LRWD1: variants seen among roughly 807,000 people sequenced by gnomAD.
LRWD1 encodes the protein leucine-rich repeat and WD repeat-containing protein 1.
A neutral mutation model predicts 75.6 loss-of-function variants in LRWD1; 76 were observed. The observed-to-expected ratio is 1.01, with a 90% confidence interval of 0.84 to 1.22. The LOEUF (loss-of-function observed/expected upper bound fraction) is 1.22, where lower values mean the gene tolerates loss of function less well. LRWD1 is among the 50% of genes most tolerant of loss of function. The pLI, the probability that LRWD1 is intolerant of heterozygous loss-of-function variation, is 0.00. For synonymous variants in LRWD1, 487 were observed against 377.0 expected, an observed-to-expected ratio of 1.29 and a Z score of -3.38; for missense variants, 917 against 862.0, an observed-to-expected ratio of 1.06 and a Z score of -0.80.
chr7:102,469,592 G>A lies in LRWD1; in HGVS notation c.1247G>A (p.Arg416Gln), dbSNP rs762347199. The A allele has an allele frequency of 2.5e-6, 4 of 1,614,028 alleles. No homozygotes were observed. The highest frequency in any genetic ancestry group is 2.2e-5 in the East Asian group (1 of 44,902). ...THLFTASYDK[R>Q]IILWDIGVPN... ...TCTTCAGCGGCCTCCTATGACAAGC[G>A]GATCATCCTCTGGGACATCGGGGTG... Residue 416 changes from arginine (R) to glutamine (Q), a missense_variant, in exon 10 of 15, where the codon CGG (arginine) becomes CAG (glutamine). Transcript: ENST00000292616.
At chr7:102,472,643 G>A (rs747963270) in intron 13 of LRWD1, 34 bp downstream of exon 13, 3 of 1,610,502 alleles carry the variant, frequency 1.9e-6, no homozygotes, top group African/African-American at 1.3e-5. Flanking sequence ...CCATCCCGCG[G>A]GCTTCCGGGA....
chr7:102,467,618 T>C (rs1238056224), intron 4 of LRWD1, 101 bp from the exon 5 acceptor site: 4 of 1,503,398 alleles, frequency 2.7e-6, no homozygotes, highest in East Asian at 4.9e-5. Flanking sequence ...GGAGAGGCCC[T>C]TCCCCAACTC....
In LRWD1 at chr7:102,468,120, A is replaced by G; in HGVS notation, c.737A>G (p.Lys246Arg). 1.9e-6 allele frequency: 3 copies of G among 1,610,344 alleles called. No homozygotes were observed. The highest frequency in any genetic ancestry group is 2.5e-6 in the Non-Finnish European group (3 of 1,179,278). ...DDVPLSLSPS[K>R]RACASPSAQV... ...GTCCCACTCAGCCTCTCTCCCAGCA[A>G]GCGGGCGTGTGCCTCCCCGTCGGCC... Residue 246 changes from lysine to arginine, a missense_variant, in exon 6 of 15, where the codon AAG (lysine) becomes AGG (arginine). Physicochemically the swap from Lys to Arg is conservative, Grantham distance 26. Coordinates refer to ENST00000292616, the MANE Select transcript of LRWD1 (RefSeq NM_152892.3).
In LRWD1 at chr7:102,472,216, A is replaced by T; in HGVS notation, c.1443-2A>T. Reference sequence around the variant, plus strand: ...CAACTAGCATCTCGTGCTGCCCCACAGGGTGTGTGAAGTGGAATTCGTCTT... The same window carrying T: ...CAACTAGCATCTCGTGCTGCCCCACTGGGTGTGTGAAGTGGAATTCGTCTT... On this transcript the variant is annotated splice_acceptor_variant, in intron 11 of 14. Coordinates refer to ENST00000292616, the MANE Select transcript of LRWD1 (RefSeq NM_152892.3). LOFTEE classifies it high-confidence loss of function. 1 of 1,588,272 alleles carries T rather than the reference A, an allele frequency of 6.3e-7. No homozygotes were observed. Among genetic ancestry groups the T allele is most frequent in the Non-Finnish European group, 8.6e-7 (1 of 1,165,450 alleles).
intron 9 of LRWD1, among the ~76,000 whole-genome samples, chr7:102,469,350 G>T (rs1035697908): frequency 6.6e-6 from 1 of 152,242 alleles, no homozygotes; most frequent in African/African-American, 2.4e-5. Flanking sequence ...CTGTCAAGGG[G>T]GATGGATGAG....
intron 11 of LRWD1, chr7:102,471,706 TC>T (rs1236096643): frequency 1.2e-5 from 2 of 162,920 alleles, no homozygotes; most frequent in Non-Finnish European, 2.7e-5. Flanking sequence ...CCACACACTC[TC>T]AGCTCTGAAC....
rs143977682 is a variant in LRWD1, at chr7:102,465,997, G to T, written c.261G>T (p.Leu87Phe). The T allele has an allele frequency of 1.9e-6, 3 of 1,613,908 alleles. No individual in the cohort carries two copies. In the East Asian group the frequency reaches 6.7e-5, roughly 36 times the overall value. The change falls in exon 2 of 15, where the codon TTG becomes TTT. Residue 87 changes from leucine (L) to phenylalanine (F), a missense_variant. Leu to Phe is a conservative substitution (Grantham distance 22). Coordinates refer to ENST00000292616, the MANE Select transcript of LRWD1 (RefSeq NM_152892.3). ...ACCAGCTGGGGGATGTTACTGCCTT[G>T]TGCCAGTTCCCCAAGCTCGAGGAAC... ...ANNQLGDVTA[L>F]CQFPKLEELS...
chr7:102,468,142 G>C lies in LRWD1; in HGVS notation c.759G>C (p.Ser253=), dbSNP rs371659318. Residue 253 remains serine (S), a synonymous_variant, in exon 6 of 15, where the codon TCG becomes TCC. Coordinates refer to ENST00000292616, the MANE Select transcript of LRWD1 (RefSeq NM_152892.3). ...GCAAGCGGGCGTGTGCCTCCCCGTC[G>C]GCCCAGGTGGAGGGCAGCCCTGTGG... The part of the protein sequence containing the change: ...SPSKRACASP[S]AQVEGSPVAG... The C allele has an allele frequency of 6.2e-7, 1 of 1,607,248 alleles. No individual in the cohort carries two copies. The highest frequency in any genetic ancestry group is 1.7e-5 in the Admixed American group (1 of 58,912).
At chr7:102,470,117 C>A in intron 11 of LRWD1, 1 of 525,804 alleles carries the variant, frequency 1.9e-6, no homozygotes, top group Non-Finnish European at 3.3e-6. Flanking sequence ...CTCCCCTTCA[C>A]CTGGGGCTTC....
chr7:102,469,894 CA>C lies in LRWD1; in HGVS notation c.1442+13del. On this transcript the variant is annotated intron_variant, in intron 11 of 14. Transcript: ENST00000292616. ...CCCCAAAAGAGGAGGTGAGGCTGGG[CA>C]GGGGGCGCCTTGGAAGCCAGGCCTC... The C allele has an allele frequency of 6.6e-7, 1 of 1,517,422 alleles. No individual in the cohort carries two copies. The highest frequency in any genetic ancestry group is 8.8e-7 in the Non-Finnish European group (1 of 1,135,072). The allele number at this position is 1,517,422 out of a possible 1,614,324, so 94.0% of individuals were successfully genotyped here. A position where few individuals can be genotyped will look rare whatever the true frequency, so the allele number is the denominator to read the frequency against.
chr7:102,467,814 C>T lies in LRWD1; in HGVS notation c.669C>T (p.His223=). Residue 223 remains histidine (H), a synonymous_variant, in exon 5 of 15, where the codon CAC becomes CAT. Coordinates refer to ENST00000292616, the MANE Select transcript of LRWD1 (RefSeq NM_152892.3). ...PEKPPEAGAA[H]KPRARLAALK... is the part of the protein sequence containing the mutation. Reference sequence around the variant, plus strand: ...AGCCCCCAGAAGCTGGAGCTGCCCACAAGCCCAGGGTGAGTGCAGCTCCCA... The same window carrying T: ...AGCCCCCAGAAGCTGGAGCTGCCCATAAGCCCAGGGTGAGTGCAGCTCCCA... The T allele has an allele frequency of 6.5e-7, 1 of 1,550,378 alleles. No homozygotes were observed. The highest frequency in any genetic ancestry group is 8.7e-7 in the Non-Finnish European group (1 of 1,147,076).
Position 102,465,957 on chromosome 7 carries a change from T to G in LRWD1, c.221T>G (p.Leu74Arg). 6.2e-7 allele frequency: 1 copy of G among 1,613,836 alleles called. No individual in the cohort carries two copies. The highest frequency in any genetic ancestry group is 8.5e-7 in the Non-Finnish European group (1 of 1,179,994). The change falls in exon 2 of 15, where the codon CTC becomes CGC. Residue 74 changes from leucine to arginine, a missense_variant. Coordinates refer to ENST00000292616, the MANE Select transcript of LRWD1 (RefSeq NM_152892.3). ...CTGGGCCTGTCCCACCTGCGTGTCC[T>G]CCGCTGCGCCAACAACCAGCTGGGG... ...DNLGLSHLRV[L>R]RCANNQLGDV...
At chr7:102,466,800 A>G (rs1797996608) in intron 3 of LRWD1, among the ~76,000 whole-genome samples, 5 of 99,088 alleles carry the variant, frequency 5.0e-5, no homozygotes, top group South Asian at 3.6e-4. Flanking sequence ...TTTTTTTTAG[A>G]GACAGGGTCT....
At chr7:102,469,198 A>G in intron 9 of LRWD1, 136 bp downstream of exon 9, 1 of 763,838 alleles carries the variant, frequency 1.3e-6, no homozygotes, top group Admixed American at 3.0e-5. Flanking sequence ...CTCCGACTCT[A>G]GCTTTGGCAG....
chr7:102,471,893 G>T (rs1246221684), intron 11 of LRWD1: 1 of 304,432 alleles, frequency 3.3e-6, no homozygotes, highest in Non-Finnish European at 6.3e-6. Flanking sequence ...TGGCTGCCAG[G>T]AGGCCCCTGT....
rs549030610 is a variant in LRWD1 at position 102,472,961 on chromosome 7, T to C, written c.1856T>C (p.Met619Thr). 2 of 1,607,972 alleles carry C rather than the reference T, an allele frequency of 1.2e-6. No individual in the cohort carries two copies. Among genetic ancestry groups the C allele is most frequent in the African/African-American group, 1.3e-5 (1 of 74,738 alleles). Residue 619 changes from methionine (M) to threonine (T), a missense_variant, in exon 15 of 15, where the codon ATG becomes ACG. Physicochemically the swap from Met to Thr is moderately conservative, Grantham distance 81. Transcript: ENST00000292616. ...WALGQVVTKT[M>T]VNTVVANASF... is the part of the protein sequence containing the mutation. Reference sequence around the variant, plus strand: ...CTTGGCCAGGTGGTGACCAAGACCATGGTGAACACAGTGGTGGCCAATGCC... The same window carrying C: ...CTTGGCCAGGTGGTGACCAAGACCACGGTGAACACAGTGGTGGCCAATGCC...
At chr7:102,472,642 G>C (rs10250026) in intron 13 of LRWD1, 33 bp downstream of exon 13, 1 of 1,610,220 alleles carries the variant, frequency 6.2e-7, no homozygotes, top group South Asian at 1.1e-5. Context: ...CCCATCCCGC[G>C]GGCTTCCGGG....
intron 11 of LRWD1, 43 bp from the exon 12 acceptor site, chr7:102,472,175 A>G (rs375151598): frequency 3.2e-6 from 5 of 1,544,084 alleles, no homozygotes; most frequent in African/African-American, 1.4e-5. Flanking sequence ...GCAGCTCTCT[A>G]TCTGCAAGGA....
intron 9 of LRWD1, 130 bp downstream of exon 9, chr7:102,469,192 G>A (rs1355055168): frequency 2.4e-5 from 19 of 787,794 alleles, no homozygotes; most frequent in South Asian, 3.8e-5. Context: ...GCACCGCTCC[G>A]ACTCTAGCTT....
Sources: allele counts gnomAD v4.1 joint callset (sites outside exome capture counted in the v4.1 genomes callset), GRCh38; gene constraint gnomAD v4.1.1; transcripts MANE v1.5; gene names NCBI Gene and HGNC (gene_info 2026-07-23, HGNC 2026-07-21).